The following GABRB3 variants were observed in gnomAD, a reference collection of about 807,000 sequenced individuals.
The protein encoded by GABRB3 is gamma-aminobutyric acid type A receptor subunit beta3, also known as gamma-aminobutyric acid receptor subunit beta-3.
GABRB3 carries 14 observed loss-of-function variants against 52.1 expected under a neutral mutation model. That is an observed-to-expected ratio of 0.27 (90% confidence interval 0.18 to 0.42). The LOEUF (loss-of-function observed/expected upper bound fraction) is 0.42. GABRB3 is among the 10% of genes least tolerant of loss of function. GABRB3 has a pLI of 1.00. For missense variants in GABRB3, 307 were observed against 609.1 expected, an observed-to-expected ratio of 0.50 and a Z score of 5.22; for synonymous variants, 260 against 232.3, an observed-to-expected ratio of 1.12 and a Z score of -1.08.
intron 3 of GABRB3, among the ~76,000 whole-genome samples, chr15:26,661,681 T>A (rs1004281494): frequency 6.6e-6 from 1 of 151,984 alleles, no homozygotes; most frequent in Non-Finnish European, 1.5e-5. Flanking sequence ...GCAGAGAAGA[T>A]GAGAGTGGGG....
chr15:26,744,168 A>G (rs1354354052), intron 3 of GABRB3, among the ~76,000 whole-genome samples: 2 of 152,140 alleles, frequency 1.3e-5, no homozygotes, highest in Non-Finnish European at 2.9e-5. Flanking sequence ...CACAATCTAC[A>G]TGCTCTTATC....
chr15:26,644,705 G>T (rs940883187), intron 3 of GABRB3, among the ~76,000 whole-genome samples: 1 of 152,206 alleles, frequency 6.6e-6, no homozygotes, highest in African/African-American at 2.4e-5. Context: ...CAGCCCATGA[G>T]GAGTGGTGAC....
chr15:26,628,713 C>A (rs555547666), intron 3 of GABRB3, among the ~76,000 whole-genome samples: 18 of 151,624 alleles, frequency 1.2e-4, no homozygotes, highest in African/African-American at 4.3e-4. Context: ...CAAAACAAAA[C>A]AAAAAACCAA....
Position 26,757,345 on chromosome 15 carries a change from C to T in GABRB3, c.240+15057G>A, listed in dbSNP as rs1316161918. Among the ~76,000 whole-genome samples, 4 of 152,116 alleles carry T rather than the reference C, an allele frequency of 2.6e-5. No homozygotes were observed. The East Asian group carries it at 5.8e-4, about 22-fold the overall frequency. On this transcript the variant is annotated intron_variant, in intron 3 of 8. Coordinates refer to ENST00000311550, the MANE Select transcript of GABRB3 (RefSeq NM_000814.6). The stretch of plus-strand genomic sequence containing the variant: ...CTAGGAGCTGTAATTATTCATTCTT[C>T]ACACATTCCTTGCCTGGCGCGCTCC...
intron 4 of GABRB3, among the ~76,000 whole-genome samples, chr15:26,620,383 T>C (rs1595488928): frequency 6.6e-6 from 1 of 152,332 alleles, no homozygotes; most frequent in African/African-American, 2.4e-5. Flanking sequence ...GATGTGGATT[T>C]AAATATATAC....
chr15:26,691,710 TA>T (rs1432049967), intron 3 of GABRB3, among the ~76,000 whole-genome samples: 12 of 152,198 alleles, frequency 7.9e-5, no homozygotes, highest in African/African-American at 2.9e-4. Flanking sequence ...ATTAATTTCC[TA>T]CCTACTGATA....
At chr15:26,733,797 T>C (rs967178813) in intron 3 of GABRB3, among the ~76,000 whole-genome samples, 1 of 152,070 alleles carries the variant, frequency 6.6e-6, no homozygotes, top group Non-Finnish European at 1.5e-5. Context: ...ACCAGTGGAA[T>C]AGAATAGAGG....
chr15:26,599,534 G>A (rs982540996), intron 4 of GABRB3, among the ~76,000 whole-genome samples: 3 of 152,200 alleles, frequency 2.0e-5, no homozygotes, highest in Non-Finnish European at 4.4e-5. Context: ...CCTGATAGCA[G>A]AGTCCAGCCA....
chr15:26,773,116 G>A, upstream of GABRB3: 2 of 736,102 alleles, frequency 2.7e-6, no homozygotes, highest in Non-Finnish European at 3.4e-6. Flanking sequence ...GGGAGGAGCG[G>A]GCGCTGGGAG....
At chr15:26,763,008 G>C (rs184903104) in intron 3 of GABRB3, among the ~76,000 whole-genome samples, 9 of 152,144 alleles carry the variant, frequency 5.9e-5, no homozygotes, top group Admixed American at 1.3e-4. Context: ...AAAGAATATC[G>C]CACAATCAAT....
chr15:26,571,057 T>G (rs959363916), intron 6 of GABRB3, among the ~76,000 whole-genome samples: 1 of 152,214 alleles, frequency 6.6e-6, no homozygotes, highest in Admixed American at 6.5e-5. Flanking sequence ...CTCAACATCC[T>G]TATTGAATTG....
Position 26,598,206 on chromosome 15 carries a change from G to C in GABRB3, c.462-14792C>G, listed in dbSNP as rs533163995. Among the ~76,000 whole-genome samples, 14 of 150,002 alleles carry C rather than the reference G, an allele frequency of 9.3e-5. No individual in the cohort carries two copies. In the South Asian group the frequency reaches 2.5e-3, roughly 27 times the overall value. ...TAACTGCATTATGACTAGATCACAAGTTTTTTTTTTAATCAATAAACTGGT... is the reference window on the plus strand; with the variant it reads ...TAACTGCATTATGACTAGATCACAACTTTTTTTTTTAATCAATAAACTGGT... On this transcript the variant is annotated intron_variant, in intron 4 of 8. Coordinates refer to ENST00000311550, the MANE Select transcript of GABRB3 (RefSeq NM_000814.6).
intron 3 of GABRB3, among the ~76,000 whole-genome samples, chr15:26,640,955 C>T (rs1893183914): frequency 6.6e-6 from 1 of 152,212 alleles, no homozygotes; most frequent in Non-Finnish European, 1.5e-5. Context: ...TCATGATTCT[C>T]TTGCTTTACG....
intron 6 of GABRB3, among the ~76,000 whole-genome samples, chr15:26,577,236 G>A (rs1319351142): frequency 6.6e-6 from 1 of 152,148 alleles, no homozygotes; most frequent in African/African-American, 2.4e-5. Context: ...AGAAGGGCCA[G>A]GTGCAGTGAC....
intron 3 of GABRB3, among the ~76,000 whole-genome samples, chr15:26,702,681 T>C (rs112870936): frequency 0.022 from 3,389 of 152,266 alleles, 124 homozygotes; most frequent in African/African-American, 0.077. Context: ...ACACTTACCA[T>C]ATGATCCAGC....
intron 6 of GABRB3, among the ~76,000 whole-genome samples, chr15:26,576,920 G>C (rs1049392375): frequency 6.6e-6 from 1 of 152,190 alleles, no homozygotes; most frequent in Non-Finnish European, 1.5e-5. Context: ...CTAGAAAGTA[G>C]ATGAAGCTTA....
chr15:26,690,594 T>C (rs1300117949), intron 3 of GABRB3, among the ~76,000 whole-genome samples: 1 of 151,782 alleles, frequency 6.6e-6, no homozygotes, highest in Non-Finnish European at 1.5e-5. Flanking sequence ...GAGCTGGTGA[T>C]GGGTAGTGGG....
chr15:26,606,805 T>TATCGATAGATATATCG (rs1275882932), intron 4 of GABRB3, among the ~76,000 whole-genome samples: 1,699 of 118,032 alleles, frequency 0.014, 36 homozygotes, highest in African/African-American at 0.028. Context: ...TAGATATATC[T>TATCGATAGATATATCG]ATAGATAGAT....
In GABRB3 at chr15:26,567,653, T is replaced by C. The variant is rs748359037; in HGVS notation, c.763A>G (p.Ile255Val). The C allele has an allele frequency of 1.9e-6, 3 of 1,614,132 alleles. No homozygotes were observed. Among genetic ancestry groups the C allele is most frequent in the Admixed American group, 1.7e-5 (1 of 60,022 alleles). ...ACCCACGACAGAATCGTTATCAGTA[T>C]AGAGGGCATATAAGTCTGAAGAATG... ...YFILQTYMPS[I>V]LITILSWVSF... Residue 255 changes from isoleucine (I) to valine (V), a missense_variant, in exon 7 of 9, where the codon ATA becomes GTA. Around this residue, in one of 6 missense-constraint regions of GABRB3, gnomAD observed 32 missense variants for 147.8 expected, o/e 0.22. Transcript: ENST00000311550.
Sources: gnomAD v4.1 joint callset for allele counts (sites outside exome capture counted in the v4.1 genomes callset) on GRCh38, gnomAD v4.1.1 for gene constraint, gnomAD v4.1.1 regional missense constraint, MANE v1.5 for transcripts, NCBI Gene and HGNC (gene_info 2026-07-23, HGNC 2026-07-21) for gene names.